ST3GAL4: variants seen among roughly 807,000 people sequenced by gnomAD.
ST3GAL4 encodes CMP-N-acetylneuraminate-beta-galactosamide-alpha-2,3-sialyltransferase 4.
ST3GAL4 carries 24 observed loss-of-function variants against 42.6 expected under a neutral mutation model. The observed-to-expected ratio is 0.56, with a 90% confidence interval of 0.41 to 0.79. The LOEUF (loss-of-function observed/expected upper bound fraction) is 0.79. Ranked by LOEUF, ST3GAL4 falls within the 30% of genes least tolerant of loss-of-function variation. The probability of loss-of-function intolerance (pLI) is 0.00; values close to 1 mark genes in which losing one functional copy is unlikely to be tolerated. For synonymous variants in ST3GAL4, 135 were observed against 163.2 expected (o/e 0.83, Z 1.32); for missense variants, 311 against 430.8 (o/e 0.72, Z 2.46).
At chr11:126,407,522 C>A (rs1954295533) in intron 5 of ST3GAL4, 52 bp from the exon 6 acceptor site, 1 of 1,608,490 alleles carries the variant, frequency 6.2e-7, no homozygotes, top group Non-Finnish European at 8.5e-7. Context: ...GGGCAGGCAG[C>A]CTTCAGAATG....
In ST3GAL4 at chr11:126,407,709, A is replaced by AC. The variant is rs1197206138; in HGVS notation, c.341+82dup. 5.8e-4 allele frequency: 571 copies of AC among 979,058 alleles called. No individual in the cohort carries two copies. In the African/African-American group the frequency reaches 0.011, roughly 19 times the overall value. The allele number at this position is 979,058 out of a possible 1,614,324, so 60.6% of individuals were successfully genotyped here. A position where few individuals can be genotyped will look rare whatever the true frequency, so the allele number is the denominator to read the frequency against. On this transcript the variant is annotated intron_variant, in intron 6 of 10. Transcript: ENST00000444328. ...CCCCTGCCCGCTCCCCCCACTCCCCACCCCCCCGCTCTGTGAAACAGTCAT... is the reference window on the plus strand; with the variant it reads ...CCCCTGCCCGCTCCCCCCACTCCCCACCCCCCCCGCTCTGTGAAACAGTCAT...
rs957930277 is a variant in ST3GAL4, at chr11:126,409,060, A to G, written c.628-208A>G. Among the ~76,000 whole-genome samples, 1 of 152,120 alleles carries G rather than the reference A, an allele frequency of 6.6e-6. No homozygotes were observed. ...ATACACCTGGTCACCTGGCCTCCCG[A>G]GGGGGTGCCTTTCCTCCTCTCTTTC... On this transcript the variant is annotated intron_variant, in intron 8 of 10. Coordinates refer to ENST00000444328, the MANE Select transcript of ST3GAL4 (RefSeq NM_001254757.2). The surrounding 1 kb of genome is among the most constrained non-coding windows in gnomAD (Gnocchi z 4.9).
chr11:126,406,522 G>A lies in ST3GAL4; in HGVS notation c.66G>A (p.Trp22Ter). ...MLALVLVVMV[W>*]YSISREDRYI... Reference sequence around the variant, plus strand: ...CTCTGGTCCTGGTCGTCATGGTGTGGTATTCCATCTCCCGGGAAGACAGGT... The same window carrying A: ...CTCTGGTCCTGGTCGTCATGGTGTGATATTCCATCTCCCGGGAAGACAGGT... Residue 22 changes from tryptophan to a stop codon, truncating the protein, a stop_gained, in exon 3 of 11, where the codon TGG (tryptophan) becomes TGA (stop). Transcript: ENST00000444328. LOFTEE classifies it high-confidence loss of function. The surrounding 1 kb of genome is among the most constrained non-coding windows in gnomAD (Gnocchi z 5.4). 6.2e-7 allele frequency: 1 copy of A among 1,614,166 alleles called. No homozygotes were observed. Among genetic ancestry groups the A allele is most frequent in the Non-Finnish European group, 8.5e-7 (1 of 1,180,032 alleles).
At position 126,396,226 on chromosome 11, in the gene ST3GAL4, C is replaced by T. The variant is rs915732878; in HGVS notation, c.-60-9870C>T. Among the ~76,000 whole-genome samples the T allele has an allele frequency of 5.3e-5, 8 of 151,960 alleles. No individual in the cohort carries two copies. The highest frequency in any genetic ancestry group is 1.7e-4 in the African/African-American group (7 of 41,304). On this transcript the variant is annotated intron_variant, in intron 1 of 10. Coordinates refer to ENST00000444328, the MANE Select transcript of ST3GAL4 (RefSeq NM_001254757.2). The surrounding 1 kb of genome is among the most constrained non-coding windows in gnomAD (Gnocchi z 5.8). ...CAGCGGACACTAAGCCGAGAGGAAT[C>T]GCTGTGGGTTGGCAGACACTGTGGA... is the stretch of plus-strand genomic sequence containing the variant.
rs1953818561 is a variant in ST3GAL4 at position 126,397,252 on chromosome 11, A to T, written c.-60-8844A>T. 6.6e-6 allele frequency among the ~76,000 whole-genome samples: 1 copy of T among 152,148 alleles called. No individual in the cohort carries two copies. The highest frequency in any genetic ancestry group is 2.1e-4 in the South Asian group (1 of 4,836). ...TTAATAGAATCTGGAGATACAAAGA[A>T]GTTCCTGACCACAGAGGTCATTTAG... On this transcript the variant is annotated intron_variant, in intron 1 of 10. Coordinates refer to ENST00000444328, the MANE Select transcript of ST3GAL4 (RefSeq NM_001254757.2). This position sits in a 1 kb window ranked among gnomAD's most constrained non-coding sequence, Gnocchi z 5.0.
chr11:126,393,206 A>G lies in ST3GAL4; in HGVS notation c.-60-12890A>G, dbSNP rs1953585386. ...AGTCTCGGTAGCCAGTGCCTAGGGC[A>G]CAGGTCTTGGCCAGAGGAGAGAAGG... is the stretch of plus-strand genomic sequence containing the variant. On this transcript the variant is annotated intron_variant, in intron 1 of 10. Coordinates refer to ENST00000444328, the MANE Select transcript of ST3GAL4 (RefSeq NM_001254757.2). This position sits in a 1 kb window ranked among gnomAD's most constrained non-coding sequence, Gnocchi z 5.9. 6.6e-6 allele frequency: 1 copy of G among 152,222 alleles called. No homozygotes were observed. The highest frequency in any genetic ancestry group is 6.5e-5 in the Admixed American group (1 of 15,288). 9.4% of individuals were successfully genotyped at this position (152,222 alleles called of 1,614,324 possible).
intron 1 of ST3GAL4, among the ~76,000 whole-genome samples, chr11:126,401,620 C>A (rs948108452): frequency 6.6e-6 from 1 of 151,246 alleles, no homozygotes; most frequent in African/African-American, 2.4e-5. Context: ...CCTACTGTCC[C>A]GGAGGCAGGA....
Position 126,403,351 on chromosome 11 carries a change from T to TCACCTCTGACGCC in ST3GAL4, c.-60-2745_-60-2744insCACCTCTGACGCC. On this transcript the variant is annotated intron_variant, in intron 1 of 10. Coordinates refer to ENST00000444328, the MANE Select transcript of ST3GAL4 (RefSeq NM_001254757.2). Reference sequence around the variant, plus strand: ...GGTTAGCGCTGCTCACCTCTGACGCTGCTCACCTCTGACGCCAAAGGTTTT... The same window carrying TCACCTCTGACGCC: ...GGTTAGCGCTGCTCACCTCTGACGCTCACCTCTGACGCCGCTCACCTCTGACGCCAAAGGTTTT... 84 of 960,568 alleles carry TCACCTCTGACGCC rather than the reference T, an allele frequency of 8.7e-5. 1 individual carries two copies. The highest frequency in any genetic ancestry group is 1.0e-4 in the Non-Finnish European group (83 of 806,666). The allele number at this position is 960,568 out of a possible 1,614,324, so 59.5% of individuals were successfully genotyped here. A position where few individuals can be genotyped will look rare whatever the true frequency, so the allele number is the denominator to read the frequency against.
rs933382647 is a variant in ST3GAL4, at chr11:126,392,259, G to A, written c.-60-13837G>A. On this transcript the variant is annotated intron_variant, in intron 1 of 10. Coordinates refer to ENST00000444328, the MANE Select transcript of ST3GAL4 (RefSeq NM_001254757.2). The surrounding 1 kb of genome is among the most constrained non-coding windows in gnomAD (Gnocchi z 5.8). ...AAGTAGGAAGGAAGGAGATTTCCTGGGTATTAGGGTGTCCTCAAGCCTGCA... is the reference window on the plus strand; with the variant it reads ...AAGTAGGAAGGAAGGAGATTTCCTGAGTATTAGGGTGTCCTCAAGCCTGCA... The A allele has an allele frequency of 1.1e-6, 1 of 935,650 alleles. No individual in the cohort carries two copies. Among genetic ancestry groups the A allele is most frequent in the Non-Finnish European group, 1.3e-6 (1 of 784,500 alleles). The allele number at this position is 935,650 out of a possible 1,614,324, so 58.0% of individuals were successfully genotyped here. A position where few individuals can be genotyped will look rare whatever the true frequency, so the allele number is the denominator to read the frequency against.
chr11:126,374,468 A>G (rs1341414022), intron 1 of ST3GAL4, among the ~76,000 whole-genome samples: 2 of 151,490 alleles, frequency 1.3e-5, no homozygotes, highest in Non-Finnish European at 2.9e-5. Context: ...AAAAAAAAAA[A>G]AAAAAAAAAA....
At position 126,409,208 on chromosome 11, in the gene ST3GAL4, G is replaced by A; in HGVS notation, c.628-60G>A. On this transcript the variant is annotated intron_variant, in intron 8 of 10. Coordinates refer to ENST00000444328, the MANE Select transcript of ST3GAL4 (RefSeq NM_001254757.2). The surrounding 1 kb of genome is among the most constrained non-coding windows in gnomAD (Gnocchi z 4.9). ...TCGCCTCGCTGAGGACCACTGGGTT[G>A]GATTTGAGAAACAGGGCTTCACCCG... 1 of 1,598,102 alleles carries A rather than the reference G, an allele frequency of 6.3e-7. No individual in the cohort carries two copies.
intron 1 of ST3GAL4, among the ~76,000 whole-genome samples, chr11:126,382,633 C>T (rs1415167417): frequency 6.6e-6 from 1 of 152,166 alleles, no homozygotes; most frequent in Non-Finnish European, 1.5e-5. Context: ...AGTTCAGGCA[C>T]TTGGCATGAC....
At position 126,378,769 on chromosome 11, in the gene ST3GAL4, A is replaced by G. The variant is rs1301034314; in HGVS notation, c.-61+22927A>G. Among the ~76,000 whole-genome samples, 1 of 152,062 alleles carries G rather than the reference A, an allele frequency of 6.6e-6. No individual in the cohort carries two copies. Among genetic ancestry groups the G allele is most frequent in the Non-Finnish European group, 1.5e-5 (1 of 68,016 alleles). ...TGTAGTGGATCTATTGAGGCATACG[A>G]TTTTCCTGTAGCATTTCCATTGAAC... On this transcript the variant is annotated intron_variant, in intron 1 of 10. Transcript: ENST00000444328. This position sits in a 1 kb window ranked among gnomAD's most constrained non-coding sequence, Gnocchi z 5.3.
chr11:126,406,415 G>C lies in ST3GAL4; in HGVS notation c.17-58G>C. The stretch of plus-strand genomic sequence containing the variant: ...TCAGAAGGGGGCAGGTGGGAAGGTG[G>C]ACGGGGGTTGTACCTGCCTGTTGCT... On this transcript the variant is annotated intron_variant, in intron 2 of 10. Coordinates refer to ENST00000444328, the MANE Select transcript of ST3GAL4 (RefSeq NM_001254757.2). The surrounding 1 kb of genome is among the most constrained non-coding windows in gnomAD (Gnocchi z 5.4). 6.2e-7 allele frequency: 1 copy of C among 1,612,974 alleles called. No individual in the cohort carries two copies. The highest frequency in any genetic ancestry group is 8.5e-7 in the Non-Finnish European group (1 of 1,179,608).
Position 126,396,242 on chromosome 11 carries a change from A to G in ST3GAL4, c.-60-9854A>G, listed in dbSNP as rs1436367127. On this transcript the variant is annotated intron_variant, in intron 1 of 10. Transcript: ENST00000444328. The surrounding 1 kb of genome is among the most constrained non-coding windows in gnomAD (Gnocchi z 5.8). Reference sequence around the variant, plus strand: ...GAGAGGAATCGCTGTGGGTTGGCAGACACTGTGGAGACTGACTCCTGGACA... The same window carrying G: ...GAGAGGAATCGCTGTGGGTTGGCAGGCACTGTGGAGACTGACTCCTGGACA... Among the ~76,000 whole-genome samples, 3 of 151,990 alleles carry G rather than the reference A, an allele frequency of 2.0e-5. No homozygotes were observed. The highest frequency in any genetic ancestry group is 1.9e-4 in the East Asian group (1 of 5,186).
chr11:126,361,174 T>A (rs546439188), intron 1 of ST3GAL4, among the ~76,000 whole-genome samples: 1 of 152,314 alleles, frequency 6.6e-6, no homozygotes, highest in South Asian at 2.1e-4. Context: ...CTCTCCTTAT[T>A]TGAGGCCCAA....
In ST3GAL4 at chr11:126,384,727, C is replaced by A; in HGVS notation, c.-60-21369C>A. On this transcript the variant is annotated intron_variant, in intron 1 of 10. Transcript: ENST00000444328. The surrounding 1 kb of genome is among the most constrained non-coding windows in gnomAD (Gnocchi z 5.5). The stretch of plus-strand genomic sequence containing the variant: ...TCTGCATGCCACCACACCCCAGCAG[C>A]ATCTCCTGAGGCTGGGCCATGGGTG... The A allele has an allele frequency of 1.0e-6, 1 of 985,392 alleles. No homozygotes were observed. The highest frequency in any genetic ancestry group is 4.7e-5 in the South Asian group (1 of 21,282). The allele number at this position is 985,392 out of a possible 1,614,324, so 61.0% of individuals were successfully genotyped here. A position where few individuals can be genotyped will look rare whatever the true frequency, so the allele number is the denominator to read the frequency against.
At chr11:126,380,468 T>C (rs1223959469) in intron 1 of ST3GAL4, among the ~76,000 whole-genome samples, 1 of 152,224 alleles carries the variant, frequency 6.6e-6, no homozygotes, top group Non-Finnish European at 1.5e-5. Context: ...TCAGTATTTA[T>C]TTTGTGAAGG....
At position 126,392,222 on chromosome 11, in the gene ST3GAL4, T is replaced by G; in HGVS notation, c.-60-13874T>G. 1 of 760,078 alleles carries G rather than the reference T, an allele frequency of 1.3e-6. No individual in the cohort carries two copies. Among genetic ancestry groups the G allele is most frequent in the Non-Finnish European group, 1.6e-6 (1 of 624,098 alleles). 47.1% of individuals were successfully genotyped at this position (760,078 alleles called of 1,614,324 possible). ...GGGTTTCATCTCAGGTTGACCCCCGTTAGGAGGAAGTAAGTAGGAAGGAAG... is the reference window on the plus strand; with the variant it reads ...GGGTTTCATCTCAGGTTGACCCCCGGTAGGAGGAAGTAAGTAGGAAGGAAG... On this transcript the variant is annotated intron_variant, in intron 1 of 10. Transcript: ENST00000444328. This position sits in a 1 kb window ranked among gnomAD's most constrained non-coding sequence, Gnocchi z 5.8.
Sources: gnomAD v4.1 joint callset for allele counts (sites outside exome capture counted in the v4.1 genomes callset) on GRCh38, gnomAD v4.1.1 for gene constraint, Gnocchi (gnomAD v3.1) non-coding constraint, MANE v1.5 for transcripts, NCBI Gene and HGNC (gene_info 2026-07-23, HGNC 2026-07-21) for gene names.